The following NSL1 variants were observed in gnomAD, a reference collection of about 807,000 sequenced individuals.
NSL1 encodes the protein kinetochore-associated protein NSL1 homolog.
NSL1 carries 11 observed loss-of-function variants against 25.4 expected under a neutral mutation model. The observed-to-expected ratio is 0.43, with a 90% CI of 0.27 to 0.72. The LOEUF (loss-of-function observed/expected upper bound fraction) is 0.72, where lower values mean the gene tolerates loss of function less well. Ranked by LOEUF, NSL1 falls within the 30% of genes least tolerant of loss-of-function variation. The pLI is 0.19. For synonymous variants in NSL1, 118 were observed against 120.6 expected (o/e 0.98, Z 0.14); for missense variants, 330 against 342.7 (o/e 0.96, Z 0.29).
At chr1:212,779,582 A>G (rs1660597503) in intron 4 of NSL1, among the ~76,000 whole-genome samples, 1 of 115,802 alleles carries the variant, frequency 8.6e-6, no homozygotes, top group African/African-American at 3.5e-5. Context: ...CCACCCGGCC[A>G]GCCACCCCGT....
At chr1:212,741,467 G>A (rs1349048529) in intron 4 of NSL1, among the ~76,000 whole-genome samples, 1 of 152,158 alleles carries the variant, frequency 6.6e-6, no homozygotes, top group Non-Finnish European at 1.5e-5. Flanking sequence ...TTCCCCCTTG[G>A]TACTGTGTTA....
intron 4 of NSL1, among the ~76,000 whole-genome samples, chr1:212,754,769 C>CAAAAAAAAAAAAAAAAAAA (rs59259608): frequency 4.3e-4 from 31 of 71,296 alleles, no homozygotes; most frequent in African/African-American, 1.8e-3. Context: ...AATTCTGTCT[C>CAAAAAAAAAAAAAAAAAAA]AAAAAAAAAA....
rs201348169 is a variant in NSL1, at chr1:212,767,208, T to C, written c.499+15164A>G. On this transcript the variant is annotated intron_variant, in intron 4 of 5. Coordinates refer to ENST00000366977, the MANE Select transcript of NSL1 (RefSeq NM_015471.4). ...TTCAAACTATACTGTTAGGCCACAG[T>C]CACCAAAACAACATGGTACTGGTAT... Among the ~76,000 whole-genome samples, 26 of 152,292 alleles carry C rather than the reference T, an allele frequency of 1.7e-4. No homozygotes were observed. The East Asian group carries it at 4.6e-3, about 27-fold the overall frequency.
intron 3 of NSL1, 74 bp downstream of exon 3, chr1:212,784,289 A>G: frequency 9.9e-7 from 1 of 1,014,092 alleles, no homozygotes; most frequent in East Asian, 2.5e-5. Context: ...ACTTATCTCC[A>G]CGTAGAGCCT....
chr1:212,776,806 G>C (rs1324054967), intron 4 of NSL1, among the ~76,000 whole-genome samples: 1 of 151,862 alleles, frequency 6.6e-6, no homozygotes, highest in African/African-American at 2.4e-5. Flanking sequence ...GCTGAACTAT[G>C]AAAGTTCTAC....
At chr1:212,779,805 C>A (rs1187578770) in intron 4 of NSL1, among the ~76,000 whole-genome samples, 2 of 141,612 alleles carry the variant, frequency 1.4e-5, no homozygotes, top group Non-Finnish European at 3.1e-5. Context: ...CCCCGCCCGG[C>A]CAGCCGCCCC....
rs1490916822 is a variant in NSL1, at chr1:212,727,986, G to A, written c.*10422C>T. 8 of 985,326 alleles carry A rather than the reference G, an allele frequency of 8.1e-6. No homozygotes were observed. The African/African-American group carries it at 1.0e-4, about 13-fold the overall frequency. 61.0% of individuals were successfully genotyped at this position (985,326 alleles called of 1,614,324 possible). On this transcript the variant is annotated 3_prime_UTR_variant, in exon 6 of 6. Transcript: ENST00000366977. ...GACAAGGCCTTTGCTGTGAACCACG[G>A]GGAGAAGGTGGAAGCAGAGTTTGTG...
chr1:212,778,292 T>A lies in NSL1; in HGVS notation c.499+4080A>T, dbSNP rs144596879. ...ATGGGGAGAATCTGTCTGCTTTATC[T>A]TTGTATCCCCCAAAGTTCATAATGT... On this transcript the variant is annotated intron_variant, in intron 4 of 5. Coordinates refer to ENST00000366977, the MANE Select transcript of NSL1 (RefSeq NM_015471.4). 3.7e-3 allele frequency among the ~76,000 whole-genome samples: 569 copies of A among 152,360 alleles called. 2 individuals carry two copies. Among genetic ancestry groups the A allele is most frequent in the Non-Finnish European group, 6.5e-3 (439 of 68,036 alleles).
intron 4 of NSL1, among the ~76,000 whole-genome samples, chr1:212,756,545 C>T (rs1355789104): frequency 6.6e-6 from 1 of 152,070 alleles, no homozygotes; most frequent in African/African-American, 2.4e-5. Context: ...AGGGGCTGGG[C>T]GCAGTGGCTC....
rs887947582 is a variant in NSL1 at position 212,732,804 on chromosome 1, A to G, written c.*5604T>C. On this transcript the variant is annotated 3_prime_UTR_variant, in exon 6 of 6. Coordinates refer to ENST00000366977, the MANE Select transcript of NSL1 (RefSeq NM_015471.4). ...GAGGTAATTTTTTTTGACGCTTTGC[A>G]TATCTGAGATATCTTTTAGCTAATC... 5 of 167,898 alleles carry G rather than the reference A, an allele frequency of 3.0e-5. No individual in the cohort carries two copies. Among genetic ancestry groups the G allele is most frequent in the African/African-American group, 9.6e-5 (4 of 41,710 alleles). The allele number at this position is 167,898 out of a possible 1,614,324, so 10.4% of individuals were successfully genotyped here. A position where few individuals can be genotyped will look rare whatever the true frequency, so the allele number is the denominator to read the frequency against.
chr1:212,776,036 C>T (rs1224845501), intron 4 of NSL1, among the ~76,000 whole-genome samples: 3 of 151,972 alleles, frequency 2.0e-5, no homozygotes, highest in Admixed American at 2.0e-4. Context: ...ACCATGGTCT[C>T]AATCTCCTGA....
chr1:212,755,909 T>G (rs894993617), intron 4 of NSL1, among the ~76,000 whole-genome samples: 4 of 152,158 alleles, frequency 2.6e-5, no homozygotes, highest in African/African-American at 9.7e-5. Flanking sequence ...ACCATAAACT[T>G]AAGCTAGGAA....
At chr1:212,747,096 G>T (rs907218188) in intron 4 of NSL1, among the ~76,000 whole-genome samples, 5 of 149,130 alleles carry the variant, frequency 3.4e-5, no homozygotes, top group African/African-American at 9.9e-5. Context: ...AGTGAGCTGA[G>T]ATCGCACTGC....
intron 4 of NSL1, among the ~76,000 whole-genome samples, chr1:212,752,864 AG>A (rs1659129869): frequency 1.3e-5 from 2 of 149,924 alleles, no homozygotes; most frequent in South Asian, 4.2e-4. Context: ...AACTTCCAAA[AG>A]CCTGCCCAAA....
chr1:212,791,654 C>A lies in NSL1; in HGVS notation c.110G>T (p.Arg37Leu), dbSNP rs534814725. The A allele has an allele frequency of 2.2e-5, 35 of 1,613,926 alleles. No homozygotes were observed. The highest frequency in any genetic ancestry group is 2.7e-5 in the African/African-American group (2 of 75,012). The change falls in exon 1 of 6, where the codon CGG (arginine) becomes CTG (leucine). Residue 37 changes from arginine to leucine, a missense_variant. Arg to Leu is a moderately radical substitution (Grantham distance 102). Transcript: ENST00000366977. ...AGCCCGCTTCGAGGTGCAGCGCACC[C>A]GAAAGTCTTCTCGGGGAGTGGCGGA... ...LVSATPREDFRVRCTSKRAVT... is the reference protein window; with the variant it reads ...LVSATPREDFLVRCTSKRAVT...
chr1:212,754,085 A>G lies in NSL1; in HGVS notation c.500-14484T>C, dbSNP rs564388408. Among the ~76,000 whole-genome samples, 15 of 152,294 alleles carry G rather than the reference A, an allele frequency of 9.8e-5. No homozygotes were observed. The East Asian group carries it at 2.7e-3, about 27-fold the overall frequency. On this transcript the variant is annotated intron_variant, in intron 4 of 5. Coordinates refer to ENST00000366977, the MANE Select transcript of NSL1 (RefSeq NM_015471.4). Reference sequence around the variant, plus strand: ...CCAGATCACCTAAGGGAATGCTAAAAGTCTAGAGTTTAGGATTTTAAGCAG... The same window carrying G: ...CCAGATCACCTAAGGGAATGCTAAAGGTCTAGAGTTTAGGATTTTAAGCAG...
rs2102416731 is a variant in NSL1, at chr1:212,728,640, G to A, written c.*9768C>T. Reference sequence around the variant, plus strand: ...GAGAATTCTGAGGCTCTGATCTGATGAGTGAAGGGAACCACAGGCTTATCT... The same window carrying A: ...GAGAATTCTGAGGCTCTGATCTGATAAGTGAAGGGAACCACAGGCTTATCT... On this transcript the variant is annotated 3_prime_UTR_variant, in exon 6 of 6. Coordinates refer to ENST00000366977, the MANE Select transcript of NSL1 (RefSeq NM_015471.4). The A allele has an allele frequency of 2.0e-6, 2 of 985,454 alleles. No homozygotes were observed. The highest frequency in any genetic ancestry group is 1.2e-6 in the Non-Finnish European group (1 of 829,932). 61.0% of individuals were successfully genotyped at this position (985,454 alleles called of 1,614,324 possible). A position where few individuals can be genotyped will look rare whatever the true frequency, so the allele number is the denominator to read the frequency against.
At chr1:212,754,845 T>TA (rs1395946717) in intron 4 of NSL1, among the ~76,000 whole-genome samples, 3 of 148,616 alleles carry the variant, frequency 2.0e-5, no homozygotes, top group Non-Finnish European at 4.4e-5. Flanking sequence ...TACTTAAAGC[T>TA]AAACCAGAAA....
intron 4 of NSL1, among the ~76,000 whole-genome samples, chr1:212,768,769 G>A (rs1009309901): frequency 6.6e-6 from 1 of 152,172 alleles, no homozygotes; most frequent in African/African-American, 2.4e-5. Context: ...TTTGGGTACA[G>A]TGTACACTGC....
Sources: allele counts gnomAD v4.1 joint callset (sites outside exome capture counted in the v4.1 genomes callset), GRCh38; gene constraint gnomAD v4.1.1; transcripts MANE v1.5; gene names NCBI Gene and HGNC (gene_info 2026-07-23, HGNC 2026-07-21).